The following CNTNAP3 variants were observed in gnomAD, a reference collection of about 807,000 sequenced individuals.
The protein encoded by CNTNAP3 is contactin associated protein family member 3, also known as contactin-associated protein-like 3.
A neutral mutation model predicts 92.1 loss-of-function variants in CNTNAP3; 36 were observed. That is an observed-to-expected ratio of 0.39 (90% CI 0.30 to 0.52). The LOEUF is 0.52. CNTNAP3 is among the 20% of genes least tolerant of loss of function. The pLI, the probability that CNTNAP3 is intolerant of heterozygous loss-of-function variation, is 0.76. For synonymous variants in CNTNAP3, 232 were observed against 422.3 expected (o/e 0.55, Z 5.53); for missense variants, 534 against 1,069.6 (o/e 0.50, Z 6.98).
Position 39,066,999 on chromosome 9 carries a change from A to G in CNTNAP3, c.*6891T>C, listed in dbSNP as rs1825521778. ...ACTCCAAATACACACAGATTAGGCA[A>G]CTGAAGTTGTCCCACAGATCACCGA... On this transcript the variant is annotated 3_prime_UTR_variant, in exon 24 of 24. Transcript: ENST00000297668. Among the ~76,000 whole-genome samples the G allele has an allele frequency of 6.6e-6, 1 of 152,278 alleles. No individual in the cohort carries two copies. The highest frequency in any genetic ancestry group is 1.5e-5 in the Non-Finnish European group (1 of 68,048).
At chr9:39,122,136 T>C (rs1220639901) in intron 13 of CNTNAP3, among the ~76,000 whole-genome samples, 4 of 150,460 alleles carry the variant, frequency 2.7e-5, no homozygotes, top group African/African-American at 7.4e-5. Context: ...GGGCAGATCA[T>C]GAGGTCAGGA....
chr9:39,077,615 AC>A (rs1825814984), intron 23 of CNTNAP3, among the ~76,000 whole-genome samples: 2 of 151,784 alleles, frequency 1.3e-5, no homozygotes, highest in African/African-American at 4.8e-5. Flanking sequence ...AATAAGTGAA[AC>A]ACTGTCATGG....
intron 12 of CNTNAP3, among the ~76,000 whole-genome samples, chr9:39,133,993 A>AT (rs1433447182): frequency 6.6e-6 from 1 of 152,276 alleles, no homozygotes; most frequent in South Asian, 2.1e-4. Context: ...TCGTATGGGG[A>AT]TTTTTTAAGA....
chr9:39,099,581 T>A (rs1294317864), intron 18 of CNTNAP3, among the ~76,000 whole-genome samples: 3 of 152,042 alleles, frequency 2.0e-5, no homozygotes, highest in African/African-American at 7.2e-5. Flanking sequence ...AAAACAAAAA[T>A]AACAATGATG....
intron 15 of CNTNAP3, among the ~76,000 whole-genome samples, chr9:39,104,679 T>A (rs567171647): frequency 1.3e-4 from 20 of 152,314 alleles, no homozygotes; most frequent in Non-Finnish European, 2.8e-4. Context: ...TTTTCTTATC[T>A]TTTGTGTACT....
At chr9:39,104,471 T>TACACACAC (rs1233368382) in intron 15 of CNTNAP3, among the ~76,000 whole-genome samples, 33 of 71,888 alleles carry the variant, frequency 4.6e-4, no homozygotes, top group South Asian at 3.9e-3. Context: ...TTCCTGCACA[T>TACACACAC]ACACATACAC....
intron 10 of CNTNAP3, among the ~76,000 whole-genome samples, chr9:39,149,340 T>C (rs904436380): frequency 2.0e-5 from 3 of 151,266 alleles, no homozygotes; most frequent in South Asian, 2.1e-4. Flanking sequence ...CCATTAGAGA[T>C]GCAGTTTTTG....
intron 10 of CNTNAP3, among the ~76,000 whole-genome samples, chr9:39,146,366 C>T (rs1336504945): frequency 4.6e-5 from 7 of 152,038 alleles, no homozygotes; most frequent in Admixed American, 1.3e-4. Flanking sequence ...AAGAGTACAG[C>T]AGTCTGATGT....
At chr9:39,102,952 T>C (rs1826500108) in intron 16 of CNTNAP3, among the ~76,000 whole-genome samples, 2 of 152,052 alleles carry the variant, frequency 1.3e-5, no homozygotes, top group East Asian at 1.9e-4. Flanking sequence ...AAGTCCTAAA[T>C]AGTAGAGATA....
rs1359428230 is a variant in CNTNAP3 at position 39,253,163 on chromosome 9, TATATAC to T, written c.196+13727_196+13732del. Among the ~76,000 whole-genome samples, 3 of 8,886 alleles carry T rather than the reference TATATAC, an allele frequency of 3.4e-4. 1 individual carries two copies. The highest frequency in any genetic ancestry group is 3.9e-4 in the African/African-American group (3 of 7,626). 5.8% of individuals were successfully genotyped at this position (8,886 alleles called of 152,430 possible). On this transcript the variant is annotated intron_variant, in intron 2 of 23. Coordinates refer to ENST00000297668, the MANE Select transcript of CNTNAP3 (RefSeq NM_033655.5). ...CTCTCTAAATATATATATATATATA[TATATAC>T]ACACACACACACACATATAGTATAT...
intron 20 of CNTNAP3, 128 bp downstream of exon 20, chr9:39,086,588 T>C (rs1417971456): frequency 1.6e-6 from 2 of 1,261,138 alleles, no homozygotes; most frequent in African/African-American, 3.1e-5. Flanking sequence ...TTTGGCTTCT[T>C]CTTGACTTAT....
intron 18 of CNTNAP3, among the ~76,000 whole-genome samples, chr9:39,095,852 G>C (rs2990129): frequency 2.0e-5 from 3 of 149,050 alleles, no homozygotes; most frequent in Non-Finnish European, 4.5e-5. Context: ...TATTTCTTCT[G>C]TTTTGGAACT....
intron 9 of CNTNAP3, among the ~76,000 whole-genome samples, chr9:39,161,690 AATAAT>A (rs1822075782): frequency 7.3e-6 from 1 of 136,302 alleles, no homozygotes; most frequent in African/African-American, 2.8e-5. Context: ...TAATAATAAT[AATAAT>A]AAATTAGCTG....
rs1825908250 is a variant in CNTNAP3, at chr9:39,080,521, C to G, written c.3443-1601G>C. Among the ~76,000 whole-genome samples the G allele has an allele frequency of 2.9e-5, 4 of 138,068 alleles. 2 individuals are homozygous for G. The highest frequency in any genetic ancestry group is 3.1e-5 in the Non-Finnish European group (2 of 63,690). 90.6% of individuals were successfully genotyped at this position (138,068 alleles called of 152,430 possible). A position where few individuals can be genotyped will look rare whatever the true frequency, so the allele number is the denominator to read the frequency against. On this transcript the variant is annotated intron_variant, in intron 21 of 23. Coordinates refer to ENST00000297668, the MANE Select transcript of CNTNAP3 (RefSeq NM_033655.5). Reference sequence around the variant, plus strand: ...CTGCAAAGCTCCATTCCAGTAATTCCTATACCTATTGCCATAGTCCTGAAT... The same window carrying G: ...CTGCAAAGCTCCATTCCAGTAATTCGTATACCTATTGCCATAGTCCTGAAT...
chr9:39,079,185 T>C (rs928188862), intron 21 of CNTNAP3, among the ~76,000 whole-genome samples: 2 of 152,122 alleles, frequency 1.3e-5, no homozygotes, highest in African/African-American at 4.8e-5. Context: ...CAGAGCTTCA[T>C]AGGAAAGCGG....
At chr9:39,092,870 C>A (rs1352445771) in intron 18 of CNTNAP3, among the ~76,000 whole-genome samples, 1 of 141,580 alleles carries the variant, frequency 7.1e-6, no homozygotes, top group Non-Finnish European at 1.6e-5. Flanking sequence ...GTCAGGTATT[C>A]TTTATGTAAT....
Position 39,136,130 on chromosome 9 carries a change from A to AAATAATAAT in CNTNAP3, c.1877-3004_1877-2996dup, listed in dbSNP as rs60137174. Among the ~76,000 whole-genome samples the AAATAATAAT allele has an allele frequency of 4.3e-3, 623 of 144,914 alleles. 6 individuals carry two copies. Among genetic ancestry groups the AAATAATAAT allele is most frequent in the African/African-American group, 0.014 (529 of 39,046 alleles). On this transcript the variant is annotated intron_variant, in intron 12 of 23. Transcript: ENST00000297668. ...GGTGACAGAGCAAGCCTCTGTCTCA[A>AAATAATAAT]AATAATAATAATAATAATAATAATA... is the stretch of plus-strand genomic sequence containing the variant.
intron 15 of CNTNAP3, among the ~76,000 whole-genome samples, chr9:39,107,670 G>A (rs1273926420): frequency 3.3e-5 from 5 of 152,128 alleles, no homozygotes; most frequent in African/African-American, 1.2e-4. Flanking sequence ...ATTGGGAGAA[G>A]CTTAGAATAA....
At chr9:39,147,649 T>TG (rs1460272344) in intron 10 of CNTNAP3, among the ~76,000 whole-genome samples, 1 of 152,228 alleles carries the variant, frequency 6.6e-6, no homozygotes, top group African/African-American at 2.4e-5. Context: ...CACACATACA[T>TG]GCTTAGTTGA....
Sources: allele counts gnomAD v4.1 joint callset (sites outside exome capture counted in the v4.1 genomes callset), GRCh38; gene constraint gnomAD v4.1.1; transcripts MANE v1.5; gene names NCBI Gene and HGNC (gene_info 2026-07-23, HGNC 2026-07-21).